The following DTNA variants were observed in gnomAD, a reference collection of about 807,000 sequenced individuals.
DTNA encodes the protein dystrobrevin alpha.
Under a neutral mutation model 100.7 loss-of-function variants are expected in DTNA, and 43 were observed. The observed-to-expected ratio is 0.43, with a 90% CI of 0.33 to 0.55. DTNA has a LOEUF of 0.55. Ranked by LOEUF, DTNA falls within the 20% of genes least tolerant of loss-of-function variation. The probability of loss-of-function intolerance (pLI) is 0.04; values close to 1 mark genes in which losing one functional copy is unlikely to be tolerated. For synonymous variants in DTNA, 349 were observed against 347.9 expected (o/e 1.00, Z -0.04); for missense variants, 798 against 953.9 (o/e 0.84, Z 2.15).
At chr18:34,686,489 G>A (rs565992746) in intron 1 of DTNA, among the ~76,000 whole-genome samples, 8 of 152,204 alleles carry the variant, frequency 5.3e-5, no homozygotes, top group Middle Eastern at 3.4e-3. Flanking sequence ...GGATGAAGCC[G>A]ACTTGATTGT....
intron 1 of DTNA, among the ~76,000 whole-genome samples, chr18:34,738,829 C>A (rs983214153): frequency 6.6e-6 from 1 of 152,166 alleles, no homozygotes; most frequent in Non-Finnish European, 1.5e-5. Flanking sequence ...AGAATGCATG[C>A]CTAGAGAAAG....
At chr18:34,866,083 A>C in intron 17 of DTNA, 1 of 1,612,920 alleles carries the variant, frequency 6.2e-7, no homozygotes, top group East Asian at 2.2e-5. Context: ...TGGGTAATCT[A>C]ACTGTTATTG....
chr18:34,739,975 A>G (rs996417261), intron 1 of DTNA, among the ~76,000 whole-genome samples: 3 of 152,146 alleles, frequency 2.0e-5, no homozygotes, highest in Non-Finnish European at 4.4e-5. Flanking sequence ...ACCTTATATA[A>G]GAGATAGGAC....
intron 14 of DTNA, among the ~76,000 whole-genome samples, chr18:34,849,863 G>A (rs947062962): frequency 5.3e-5 from 8 of 152,136 alleles, no homozygotes; most frequent in African/African-American, 9.7e-5. Flanking sequence ...GCCCACCTCC[G>A]TCACTTGAGT....
intron 9 of DTNA, 29 bp downstream of exon 9, chr18:34,820,944 G>T: frequency 6.2e-7 from 1 of 1,609,120 alleles, no homozygotes; most frequent in African/African-American, 1.4e-5. Context: ...CCAGTATAGA[G>T]ACAATTTTCT....
chr18:34,790,567 A>ATATATATATATATATATTTTTT (rs2094687460), intron 3 of DTNA, among the ~76,000 whole-genome samples: 1 of 39,660 alleles, frequency 2.5e-5, no homozygotes, highest in African/African-American at 9.1e-5. Context: ...ATATATATAT[A>ATATATATATATATATATTTTTT]TTTTTTTTTT....
At chr18:34,851,770 C>T in intron 14 of DTNA, 61 bp from the exon 15 acceptor site, 1 of 1,554,596 alleles carries the variant, frequency 6.4e-7, no homozygotes, top group Non-Finnish European at 8.9e-7. Context: ...TGACTCCTGC[C>T]TTCCCAAATA....
intron 1 of DTNA, among the ~76,000 whole-genome samples, chr18:34,598,317 T>A (rs1292252349): frequency 5.9e-5 from 9 of 152,022 alleles, no homozygotes; most frequent in African/African-American, 2.2e-4. Flanking sequence ...TCAGAGAGAT[T>A]CATAATCAAA....
At chr18:34,725,314 A>G (rs2086365970) in intron 1 of DTNA, among the ~76,000 whole-genome samples, 1 of 152,138 alleles carries the variant, frequency 6.6e-6, no homozygotes, top group African/African-American at 2.4e-5. Flanking sequence ...CAGGCAACCT[A>G]CAGAATAGGA....
chr18:34,764,979 G>A (rs966990044), intron 2 of DTNA, among the ~76,000 whole-genome samples: 1 of 152,186 alleles, frequency 6.6e-6, no homozygotes, highest in Non-Finnish European at 1.5e-5. Context: ...AGGAGGGTGG[G>A]AGGAATACTA....
intron 11 of DTNA, among the ~76,000 whole-genome samples, chr18:34,830,610 T>G (rs568921300): frequency 1.3e-5 from 2 of 151,320 alleles, no homozygotes; most frequent in Non-Finnish European, 2.9e-5. Context: ...TTCCCTTACT[T>G]AAAAGAAAAA....
intron 1 of DTNA, among the ~76,000 whole-genome samples, chr18:34,630,439 T>A (rs1460635420): frequency 6.6e-6 from 1 of 152,186 alleles, no homozygotes; most frequent in Non-Finnish European, 1.5e-5. Context: ...TCATACATTA[T>A]GTTACAGGGT....
At chr18:34,771,727 T>C (rs1486072865) in intron 3 of DTNA, among the ~76,000 whole-genome samples, 1 of 152,302 alleles carries the variant, frequency 6.6e-6, no homozygotes, top group East Asian at 1.9e-4. Context: ...GAACAAAGAA[T>C]ACAAATAATA....
intron 14 of DTNA, among the ~76,000 whole-genome samples, chr18:34,849,749 A>G (rs1458962562): frequency 1.3e-5 from 2 of 152,236 alleles, no homozygotes; most frequent in Non-Finnish European, 2.9e-5. Flanking sequence ...GACTGACCAG[A>G]TCAGATGCAT....
intron 1 of DTNA, among the ~76,000 whole-genome samples, chr18:34,584,881 CAAAT>C (rs563597076): frequency 9.5e-4 from 144 of 152,044 alleles, no homozygotes; most frequent in Non-Finnish European, 1.7e-3. Flanking sequence ...GATAGAAAGT[CAAAT>C]AAAATGAATC....
chr18:34,541,829 T>G (rs1316950245), intron 1 of DTNA, among the ~76,000 whole-genome samples: 1 of 152,090 alleles, frequency 6.6e-6, no homozygotes, highest in African/African-American at 2.4e-5. Context: ...AGAAAAGGGA[T>G]GGCATAGGAG....
chr18:34,600,195 AG>A (rs1200735837), intron 1 of DTNA, among the ~76,000 whole-genome samples: 5 of 151,924 alleles, frequency 3.3e-5, no homozygotes, highest in Non-Finnish European at 7.4e-5. Context: ...TCTGAAAAAA[AG>A]TTAAGTCAAA....
At chr18:34,683,872 A>G (rs1425585605) in intron 1 of DTNA, among the ~76,000 whole-genome samples, 2 of 152,166 alleles carry the variant, frequency 1.3e-5, no homozygotes, top group South Asian at 2.1e-4. Context: ...AGAAAAATGC[A>G]CCCATTAATT....
At position 34,829,647 on chromosome 18, in the gene DTNA, G is replaced by A. The variant is rs547607844; in HGVS notation, c.1175+158G>A. On this transcript the variant is annotated intron_variant, in intron 11 of 22. Coordinates refer to ENST00000444659, the MANE Select transcript of DTNA (RefSeq NM_001386795.1). ...AAATTGTGTTGAGACTTTTCAACTT[G>A]AGCTGGACTTTGCAGCTCTTTCCTC... is the stretch of plus-strand genomic sequence containing the variant. Among the ~76,000 whole-genome samples, 10 of 152,282 alleles carry A rather than the reference G, an allele frequency of 6.6e-5. No individual in the cohort carries two copies. The East Asian group carries it at 1.7e-3, about 26-fold the overall frequency.
Sources: allele counts gnomAD v4.1 joint callset (sites outside exome capture counted in the v4.1 genomes callset), GRCh38; gene constraint gnomAD v4.1.1; transcripts MANE v1.5; gene names NCBI Gene and HGNC (gene_info 2026-07-23, HGNC 2026-07-21).